PDE11A: variants seen among roughly 807,000 people sequenced by gnomAD.
The protein encoded by PDE11A is phosphodiesterase 11A, also known as dual 3',5'-cyclic-AMP and -GMP phosphodiesterase 11A.
Under a neutral mutation model 100.5 loss-of-function variants are expected in PDE11A, and 100 were observed. The ratio of observed to expected loss-of-function variants is 1.00; its 90% CI spans 0.85 to 1.18. The LOEUF is 1.18. Among genes scored for constraint, PDE11A ranks in the 50% most tolerant of loss-of-function variants. The pLI, the probability that PDE11A is intolerant of heterozygous loss-of-function variation, is 0.00. For synonymous variants in PDE11A, 381 were observed against 420.8 expected (o/e 0.91, Z 1.16); for missense variants, 1,141 against 1,152.6 (o/e 0.99, Z 0.15).
intron 19 of PDE11A, among the ~76,000 whole-genome samples, chr2:177,645,569 T>A (rs2080212600): frequency 6.6e-6 from 1 of 152,244 alleles, no homozygotes. Flanking sequence ...AGATTATTTT[T>A]ATTTTTTACT....
chr2:177,746,804 G>A (rs2081955030), intron 10 of PDE11A, among the ~76,000 whole-genome samples: 1 of 152,172 alleles, frequency 6.6e-6, no homozygotes, highest in Non-Finnish European at 1.5e-5. Context: ...GGTGAGAGGG[G>A]AAGAGGGGAG....
intron 5 of PDE11A, among the ~76,000 whole-genome samples, chr2:177,863,285 A>G (rs900981675): frequency 5.9e-5 from 9 of 151,988 alleles, no homozygotes; most frequent in Admixed American, 3.9e-4. Flanking sequence ...GATTTTTTGA[A>G]TATCACACCA....
At chr2:177,699,737 A>C (rs1260163141) in intron 14 of PDE11A, among the ~76,000 whole-genome samples, 1 of 152,196 alleles carries the variant, frequency 6.6e-6, no homozygotes, top group East Asian at 1.9e-4. Context: ...TAGCACCTGC[A>C]TTTCTGCCTT....
intron 15 of PDE11A, among the ~76,000 whole-genome samples, chr2:177,693,702 T>C (rs1426764008): frequency 1.3e-5 from 2 of 152,172 alleles, no homozygotes; most frequent in Admixed American, 6.5e-5. Flanking sequence ...ATTCTTCCAT[T>C]AGAGAGGGAA....
At chr2:177,970,683 A>T (rs374826816) in intron 2 of PDE11A, among the ~76,000 whole-genome samples, 1 of 152,194 alleles carries the variant, frequency 6.6e-6, no homozygotes, top group Non-Finnish European at 1.5e-5. Flanking sequence ...TAAAAGTGTT[A>T]GTTGAAATAA....
At chr2:177,691,425 T>C (rs887539469) in intron 15 of PDE11A, among the ~76,000 whole-genome samples, 1 of 152,196 alleles carries the variant, frequency 6.6e-6, no homozygotes, top group African/African-American at 2.4e-5. Context: ...ACACTTAGCA[T>C]GCTAACACAA....
At chr2:178,031,084 T>C (rs893857133) in intron 1 of PDE11A, among the ~76,000 whole-genome samples, 4 of 152,164 alleles carry the variant, frequency 2.6e-5, no homozygotes, top group East Asian at 1.9e-4. Context: ...AAAATTCATA[T>C]CTTTATAAAG....
chr2:177,699,086 A>G (rs1034572571), intron 14 of PDE11A, among the ~76,000 whole-genome samples: 1 of 152,234 alleles, frequency 6.6e-6, no homozygotes, highest in East Asian at 1.9e-4. Flanking sequence ...ATCACATAAC[A>G]GGAGGGTACA....
At chr2:177,812,133 T>C (rs1376353850) in intron 9 of PDE11A, among the ~76,000 whole-genome samples, 2 of 152,206 alleles carry the variant, frequency 1.3e-5, no homozygotes, top group African/African-American at 4.8e-5. Flanking sequence ...CCCTGTAATT[T>C]TTTTGTAACT....
intron 1 of PDE11A, among the ~76,000 whole-genome samples, chr2:178,041,304 C>A (rs1236471963): frequency 1.3e-5 from 2 of 149,976 alleles, no homozygotes; most frequent in East Asian, 3.9e-4. Flanking sequence ...AGTGCAGTGG[C>A]ACAGTCTCAG....
chr2:177,638,589 G>T lies in PDE11A; in HGVS notation c.2647-9027C>A, dbSNP rs535442243. Among the ~76,000 whole-genome samples, 215 of 151,608 alleles carry T rather than the reference G, an allele frequency of 1.4e-3. 1 individual carries two copies. Among genetic ancestry groups the T allele is most frequent in the Middle Eastern group, 0.01 (3 of 292 alleles). On this transcript the variant is annotated intron_variant, in intron 19 of 19. Coordinates refer to ENST00000286063, the MANE Select transcript of PDE11A (RefSeq NM_016953.4). ...AGACATTGTAAAGTTTATATTGTTG[G>T]GTGATGGATTTTTTTTCCTTTGCTT... is the stretch of plus-strand genomic sequence containing the variant.
rs117914876 is a variant in PDE11A at position 177,718,371 on chromosome 2, T to C, written c.2044-6493A>G. 4.8e-3 allele frequency among the ~76,000 whole-genome samples: 732 copies of C among 152,330 alleles called. 45 individuals are homozygous for C. The East Asian group carries it at 0.13, about 27-fold the overall frequency. On this transcript the variant is annotated intron_variant, in intron 12 of 19. Transcript: ENST00000286063. ...GCTACACAGCCCCTAAGTTGAGGTG[T>C]GGGTTCAGTTGCACAGCTTTTAAAT...
At chr2:177,813,374 T>C (rs1210331343) in intron 9 of PDE11A, among the ~76,000 whole-genome samples, 1 of 152,134 alleles carries the variant, frequency 6.6e-6, no homozygotes, top group East Asian at 1.9e-4. Flanking sequence ...TTCCTGTACT[T>C]CCCAGTAACA....
chr2:177,649,595 T>C (rs1347542269), intron 19 of PDE11A, among the ~76,000 whole-genome samples: 1 of 152,232 alleles, frequency 6.6e-6, no homozygotes, highest in Non-Finnish European at 1.5e-5. Flanking sequence ...TGTGTGAGCA[T>C]AGTATATATA....
intron 5 of PDE11A, among the ~76,000 whole-genome samples, chr2:177,874,336 C>A (rs553180356): frequency 5.5e-4 from 84 of 152,292 alleles, no homozygotes; most frequent in African/African-American, 2.0e-3. Context: ...ACATGGAACA[C>A]ATAACAGTCA....
In PDE11A at chr2:177,735,826, C is replaced by A. The variant is rs893014365; in HGVS notation, c.1789-7654G>T. ...TGTGACTCCAGGACTGACTTCTGTTCGCTGTCCATGCCAGGTTGGCTCCCT... is the reference window on the plus strand; with the variant it reads ...TGTGACTCCAGGACTGACTTCTGTTAGCTGTCCATGCCAGGTTGGCTCCCT... On this transcript the variant is annotated intron_variant, in intron 10 of 19. Transcript: ENST00000286063. 7.2e-5 allele frequency among the ~76,000 whole-genome samples: 11 copies of A among 152,220 alleles called. 1 individual carries two copies. The highest frequency in any genetic ancestry group is 2.7e-4 in the African/African-American group (11 of 41,462).
intron 1 of PDE11A, among the ~76,000 whole-genome samples, chr2:178,052,113 G>A (rs896305534): frequency 1.3e-5 from 2 of 152,134 alleles, no homozygotes; most frequent in African/African-American, 4.8e-5. Context: ...ATAGTTGGAA[G>A]TACAGCACTC....
intron 12 of PDE11A, 39 bp from the exon 13 acceptor site, chr2:177,711,917 G>T: frequency 1.9e-6 from 2 of 1,047,720 alleles, no homozygotes; most frequent in Non-Finnish European, 3.0e-6. Context: ...CACTACTGGG[G>T]TACGGAGGAT....
At chr2:177,981,309 T>C (rs1354327158) in intron 2 of PDE11A, among the ~76,000 whole-genome samples, 1 of 150,558 alleles carries the variant, frequency 6.6e-6, no homozygotes, top group African/African-American at 2.4e-5. Flanking sequence ...TTAGAACGAC[T>C]GAAATGTATT....
Sources: allele counts gnomAD v4.1 joint callset (sites outside exome capture counted in the v4.1 genomes callset), GRCh38; gene constraint gnomAD v4.1.1; transcripts MANE v1.5; gene names NCBI Gene and HGNC (gene_info 2026-07-23, HGNC 2026-07-21).